Variants in THSD4 observed in about 807,000 individuals in gnomAD.
THSD4 encodes the protein thrombospondin type-1 domain-containing protein 4.
In THSD4, 69 loss-of-function variants were observed where a neutral mutation model predicts 119.0. The ratio of observed to expected loss-of-function variants is 0.58; its 90% CI spans 0.48 to 0.71. The LOEUF is 0.71. Ranked by LOEUF, THSD4 falls within the 30% of genes least tolerant of loss-of-function variation. The probability of loss-of-function intolerance (pLI) is 0.00; values close to 1 mark genes in which losing one functional copy is unlikely to be tolerated. For missense variants in THSD4, 1,393 were observed against 1,391.1 expected, an observed-to-expected ratio of 1.00 and a Z score of -0.02; for synonymous variants, 524 against 540.4, an observed-to-expected ratio of 0.97 and a Z score of 0.42.
At position 71,672,402 on chromosome 15, in the gene THSD4, T is replaced by C. The variant is rs190412851; in HGVS notation, c.1357+11668T>C. 6.9e-4 allele frequency among the ~76,000 whole-genome samples: 105 copies of C among 152,336 alleles called. No individual in the cohort carries two copies. In the East Asian group the frequency reaches 0.016, roughly 23 times the overall value. On this transcript the variant is annotated intron_variant, in intron 8 of 17. Transcript: ENST00000261862. ...AGATTTGGGGCTGAGACGATGGGGTTTTCTAAATATGCAATCATGTCATCT... is the reference window on the plus strand; with the variant it reads ...AGATTTGGGGCTGAGACGATGGGGTCTTCTAAATATGCAATCATGTCATCT...
At chr15:71,459,378 CTG>C (rs1555416116) in intron 7 of THSD4, among the ~76,000 whole-genome samples, 5 of 100,366 alleles carry the variant, frequency 5.0e-5, no homozygotes, top group African/African-American at 1.4e-4. Flanking sequence ...CTCTGTCTCT[CTG>C]TCTCTCTCTC....
At chr15:71,278,350 A>G (rs1226455220) in intron 6 of THSD4, among the ~76,000 whole-genome samples, 2 of 152,042 alleles carry the variant, frequency 1.3e-5, no homozygotes, top group Admixed American at 1.3e-4. Flanking sequence ...CATGCACTAT[A>G]CATTTTTGTA....
chr15:71,380,464 A>G (rs1037843110), intron 6 of THSD4, among the ~76,000 whole-genome samples: 29 of 152,246 alleles, frequency 1.9e-4, no homozygotes, highest in African/African-American at 7.0e-4. Flanking sequence ...ATGGCTGCAT[A>G]CAAATATTTA....
At chr15:71,672,981 A>G (rs1419353189) in intron 8 of THSD4, among the ~76,000 whole-genome samples, 4 of 152,210 alleles carry the variant, frequency 2.6e-5, no homozygotes, top group Non-Finnish European at 5.9e-5. Flanking sequence ...AGGCTTTGGT[A>G]TCAGAATGAT....
chr15:71,470,449 C>T (rs2047559504), intron 7 of THSD4, among the ~76,000 whole-genome samples: 1 of 152,092 alleles, frequency 6.6e-6, no homozygotes, highest in Non-Finnish European at 1.5e-5. Flanking sequence ...ACAGCAATTG[C>T]CAGCATTGCT....
At chr15:71,236,228 C>T (rs578158053) in intron 4 of THSD4, among the ~76,000 whole-genome samples, 10 of 152,276 alleles carry the variant, frequency 6.6e-5, no homozygotes, top group South Asian at 2.1e-4. Context: ...CTCCGGAGGG[C>T]GGGGCTCTCA....
intron 8 of THSD4, among the ~76,000 whole-genome samples, chr15:71,667,042 T>A (rs992597557): frequency 6.6e-6 from 1 of 152,232 alleles, no homozygotes; most frequent in African/African-American, 2.4e-5. Context: ...TGTTTATTCA[T>A]CTCATTTGGG....
intron 7 of THSD4, among the ~76,000 whole-genome samples, chr15:71,571,739 C>T (rs201545662): frequency 0.15 from 22,837 of 152,066 alleles, 2,301 homozygotes; most frequent in East Asian, 0.49. Context: ...GAAGTCTCAC[C>T]TTTACCTACA....
At chr15:71,626,598 TC>T (rs979043090) in intron 7 of THSD4, among the ~76,000 whole-genome samples, 1 of 152,214 alleles carries the variant, frequency 6.6e-6, no homozygotes, top group East Asian at 1.9e-4. Flanking sequence ...CTTTTGAGAT[TC>T]CCATATGATT....
At chr15:71,427,607 G>A (rs1306268763) in intron 7 of THSD4, among the ~76,000 whole-genome samples, 1 of 147,360 alleles carries the variant, frequency 6.8e-6, no homozygotes, top group Admixed American at 6.9e-5. Flanking sequence ...CCAGGACCCA[G>A]CACATACGAG....
chr15:71,430,838 G>A (rs2046935045), intron 7 of THSD4, among the ~76,000 whole-genome samples: 2 of 151,592 alleles, frequency 1.3e-5, no homozygotes, highest in South Asian at 2.1e-4. Context: ...TGTATGTAAG[G>A]TACTAGGCCA....
At chr15:71,526,477 C>A (rs62024438) in intron 7 of THSD4, among the ~76,000 whole-genome samples, 2 of 150,106 alleles carry the variant, frequency 1.3e-5, no homozygotes, top group African/African-American at 4.9e-5. Context: ...CTTTAGGTTT[C>A]GTTTAGTGAT....
intron 5 of THSD4, among the ~76,000 whole-genome samples, chr15:71,248,415 G>A (rs542570985): frequency 5.3e-5 from 8 of 152,298 alleles, no homozygotes; most frequent in Middle Eastern, 3.4e-3. Flanking sequence ...CTTTCTCCCT[G>A]GAGAGGAGAC....
rs778133375 is a variant in THSD4 at position 71,728,573 on chromosome 15, C to T, written c.1382C>T (p.Ser461Phe). 2 of 1,614,198 alleles carry T rather than the reference C, an allele frequency of 1.2e-6. No individual in the cohort carries two copies. Among genetic ancestry groups the T allele is most frequent in the Non-Finnish European group, 1.7e-6 (2 of 1,180,042 alleles). The change falls in exon 9 of 18, where the codon TCC becomes TTC. Residue 461 changes from serine to phenylalanine, a missense_variant. Coordinates refer to ENST00000261862, the MANE Select transcript of THSD4 (RefSeq NM_024817.3). ...GCCCTGAGAAGTCGTTCTGGACGCT[C>T]CATCATCAATGGGAACTGGGCAATT... ...YLALRSRSGR[S>F]IINGNWAIDR...
chr15:71,736,133 C>G (rs1400268490), intron 10 of THSD4, among the ~76,000 whole-genome samples: 6 of 118,074 alleles, frequency 5.1e-5, no homozygotes, highest in South Asian at 2.8e-4. Flanking sequence ...CTGTCTCTCT[C>G]TTGCTCTCTC....
intron 6 of THSD4, among the ~76,000 whole-genome samples, chr15:71,328,368 C>A (rs1233893173): frequency 6.6e-6 from 1 of 152,194 alleles, no homozygotes; most frequent in African/African-American, 2.4e-5. Context: ...CACAATCTCA[C>A]TTTATTTTGC....
rs562788443 is a variant in THSD4, at chr15:71,745,695, A to G, written c.2036+460A>G. On this transcript the variant is annotated intron_variant, in intron 12 of 17. Coordinates refer to ENST00000261862, the MANE Select transcript of THSD4 (RefSeq NM_024817.3). ...ATGGCAGAGTCTAGCTCTGTTGCCC[A>G]GGCCAGATTGCAGTGGCACGATCTC... Among the ~76,000 whole-genome samples, 35 of 152,362 alleles carry G rather than the reference A, an allele frequency of 2.3e-4. No homozygotes were observed. In the South Asian group the frequency reaches 3.9e-3, roughly 17 times the overall value.
chr15:71,347,254 T>A (rs1370198415), intron 6 of THSD4, among the ~76,000 whole-genome samples: 4 of 152,150 alleles, frequency 2.6e-5, no homozygotes, highest in Non-Finnish European at 4.4e-5. Context: ...CTTTTATATT[T>A]TTACTGTGTA....
chr15:71,165,427 T>C, intron 3 of THSD4: 2 of 1,481,224 alleles, frequency 1.4e-6, no homozygotes, highest in Non-Finnish European at 1.9e-6. Flanking sequence ...GTTTAGTTAT[T>C]TTTCCTCAGC....
Sources: gnomAD v4.1 joint callset for allele counts (sites outside exome capture counted in the v4.1 genomes callset) on GRCh38, gnomAD v4.1.1 for gene constraint, MANE v1.5 for transcripts, NCBI Gene and HGNC (gene_info 2026-07-23, HGNC 2026-07-21) for gene names.